LARP7: variants seen among roughly 807,000 people sequenced by gnomAD.
LARP7 encodes the protein La ribonucleoprotein 7, transcriptional regulator, also known as la-related protein 7.
In LARP7, 52 loss-of-function variants were observed where a neutral mutation model predicts 69.3. The ratio of observed to expected loss-of-function variants is 0.75; its 90% CI spans 0.60 to 0.95. LARP7 has a LOEUF of 0.95. Among genes scored for constraint, LARP7 ranks in the 40% least tolerant of loss-of-function variants. The probability of loss-of-function intolerance (pLI) is 0.00; values close to 1 mark genes in which losing one functional copy is unlikely to be tolerated. For synonymous variants in LARP7, 254 were observed against 215.9 expected, an observed-to-expected ratio of 1.18 and a Z score of -1.55; for missense variants, 733 against 673.0, an observed-to-expected ratio of 1.09 and a Z score of -0.99.
chr4:112,656,132 C>T (rs1435646676), intron 12 of LARP7, among the ~76,000 whole-genome samples: 4 of 152,132 alleles, frequency 2.6e-5, no homozygotes, highest in Admixed American at 6.5e-5. Flanking sequence ...GGGCCAGGCA[C>T]GGTGGCTCAT....
At chr4:112,641,978 A>G (rs1442416183) in intron 1 of LARP7, among the ~76,000 whole-genome samples, 1 of 152,206 alleles carries the variant, frequency 6.6e-6, no homozygotes, top group African/African-American at 2.4e-5. Flanking sequence ...ACTGAGTCCA[A>G]TTTAGGCATC....
intron 10 of LARP7, among the ~76,000 whole-genome samples, chr4:112,650,984 A>G (rs2048705104): frequency 6.6e-6 from 1 of 152,224 alleles, no homozygotes; most frequent in African/African-American, 2.4e-5. Flanking sequence ...TATATAATTT[A>G]CGCTACAAAT....
At chr4:112,652,304 C>A (rs975445832) in intron 10 of LARP7, among the ~76,000 whole-genome samples, 1 of 141,830 alleles carries the variant, frequency 7.1e-6, no homozygotes, top group Non-Finnish European at 1.5e-5. Context: ...CCCCCCCCCC[C>A]CCATTTAGCA....
Position 112,646,263 on chromosome 4 carries a change from C to A in LARP7, c.203-88C>A, listed in dbSNP as rs537735553. 10 of 641,990 alleles carry A rather than the reference C, an allele frequency of 1.6e-5. No homozygotes were observed. The East Asian group carries it at 1.9e-4, about 12-fold the overall frequency. The allele number at this position is 641,990 out of a possible 1,614,324, so 39.8% of individuals were successfully genotyped here. A position where few individuals can be genotyped will look rare whatever the true frequency, so the allele number is the denominator to read the frequency against. The stretch of plus-strand genomic sequence containing the variant: ...AGGATTACAGGCATGAGCCACCGAG[C>A]CTGAGGGCCTGAGGGGCAGGTTAAA... On this transcript the variant is annotated intron_variant, in intron 2 of 12. Transcript: ENST00000344442.
Position 112,649,593 on chromosome 4 carries a change from T to G in LARP7, c.1201T>G (p.Ser401Ala). The G allele has an allele frequency of 2.5e-6, 4 of 1,608,324 alleles. No homozygotes were observed. Among genetic ancestry groups the G allele is most frequent in the Non-Finnish European group, 3.4e-6 (4 of 1,177,004 alleles). Residue 401 changes from serine to alanine, a missense_variant, in exon 9 of 13, where the codon TCT (serine) becomes GCT (alanine). Ser to Ala is a moderately conservative substitution (Grantham distance 99). Transcript: ENST00000344442. ...YLALQKASMASLKKTISQIKS... is the reference protein window; with the variant it reads ...YLALQKASMAALKKTISQIKS... ...AGCGCTACAAAAAGCTAGCATGGCT[T>G]CTTTAAAAAAAACAATATCCCAAAT...
intron 1 of LARP7, among the ~76,000 whole-genome samples, chr4:112,639,370 C>T (rs1187893827): frequency 6.6e-6 from 1 of 151,804 alleles, no homozygotes; most frequent in Non-Finnish European, 1.5e-5. Context: ...CCACCATGCC[C>T]GGCTAATTTT....
chr4:112,637,915 A>G (rs1275796540), intron 1 of LARP7: 1 of 152,390 alleles, frequency 6.6e-6, no homozygotes, highest in African/African-American at 2.4e-5. Context: ...GACCAGAACA[A>G]TGATTCTTAA....
At chr4:112,654,363 G>T in intron 12 of LARP7, 1 of 453,210 alleles carries the variant, frequency 2.2e-6, no homozygotes. Flanking sequence ...TTTCTCACAA[G>T]GATACATAAT....
rs960119733 is a variant in LARP7 at position 112,649,411 on chromosome 4, G to A, written c.1143-124G>A. On this transcript the variant is annotated intron_variant, in intron 8 of 12. Coordinates refer to ENST00000344442, the MANE Select transcript of LARP7 (RefSeq NM_016648.4). The stretch of plus-strand genomic sequence containing the variant: ...AACCTAGGAAATATTTTGAATATGT[G>A]TTTAAAGAAACAGGAAAGTTGGTGG... 5.7e-5 allele frequency: 43 copies of A among 758,708 alleles called. No homozygotes were observed. The East Asian group carries it at 7.2e-4, about 13-fold the overall frequency. The allele number at this position is 758,708 out of a possible 1,614,324, so 47.0% of individuals were successfully genotyped here.
chr4:112,637,993 A>C (rs1269524232), intron 1 of LARP7: 1 of 152,270 alleles, frequency 6.6e-6, no homozygotes, highest in African/African-American at 2.4e-5. Flanking sequence ...ACGTGCATGT[A>C]CCTATTAAAA....
chr4:112,645,783 CTGAGATAAGAAGCAT>C (rs988476651), intron 2 of LARP7: 12 of 352,504 alleles, frequency 3.4e-5, no homozygotes, highest in Non-Finnish European at 6.7e-5. Context: ...CCCTGAATTG[CTGAGATAAGAAGCAT>C]TGAGCCACCA....
chr4:112,645,254 A>G (rs1256416530), intron 2 of LARP7, among the ~76,000 whole-genome samples: 2 of 151,860 alleles, frequency 1.3e-5, no homozygotes, highest in African/African-American at 4.8e-5. Flanking sequence ...CTAAAATAGT[A>G]TATTCTATAA....
chr4:112,642,332 G>A (rs945292555), intron 1 of LARP7, among the ~76,000 whole-genome samples: 16 of 152,128 alleles, frequency 1.1e-4, no homozygotes, highest in African/African-American at 3.9e-4. Context: ...TATGTCTTAA[G>A]CTAGCATCAC....
intron 8 of LARP7, 99 bp downstream of exon 8, chr4:112,647,933 C>T (rs369906379): frequency 4.0e-5 from 36 of 896,612 alleles, no homozygotes; most frequent in Middle Eastern, 2.2e-4. Context: ...ATATTAGCAA[C>T]AGTAATGGCC....
intron 1 of LARP7, chr4:112,637,477 T>G (rs2149240191): frequency 6.6e-6 from 1 of 152,416 alleles, no homozygotes; most frequent in Non-Finnish European, 1.5e-5. Flanking sequence ...TGGGGAGGTT[T>G]GGGGCGCGCC....
In LARP7 at chr4:112,647,258, G is replaced by T. The variant is rs1422825360; in HGVS notation, c.706G>T (p.Ala236Ser). ...AATGAAAAAGGAAGACAATATCCAA[G>T]CCAAAGAAGAAAACATGGACACAAG... is the stretch of plus-strand genomic sequence containing the variant. ...GRMKKEDNIQ[A>S]KEENMDTSNT... Residue 236 changes from alanine to serine, a missense_variant, in exon 7 of 13, where the codon GCC becomes TCC. Physicochemically the swap from Ala to Ser is moderately conservative, Grantham distance 99. Coordinates refer to ENST00000344442, the MANE Select transcript of LARP7 (RefSeq NM_016648.4). The T allele has an allele frequency of 1.2e-6, 2 of 1,611,512 alleles. No homozygotes were observed. The highest frequency in any genetic ancestry group is 1.7e-6 in the Non-Finnish European group (2 of 1,179,402).
chr4:112,648,290 G>C (rs1205937299), intron 8 of LARP7: 1 of 527,512 alleles, frequency 1.9e-6, no homozygotes, highest in East Asian at 5.5e-5. Flanking sequence ...CCTTTAACCT[G>C]TAACAAGCTT....
Position 112,647,071 on chromosome 4 carries a change from C to T in LARP7, c.590C>T (p.Pro197Leu). The T allele has an allele frequency of 6.2e-7, 1 of 1,611,896 alleles. No homozygotes were observed. The highest frequency in any genetic ancestry group is 8.5e-7 in the Non-Finnish European group (1 of 1,179,552). The part of the protein sequence containing the change: ...NNPPEEAPRK[P>L]GIFPKTVKNK... ...CCACCAGAAGAAGCACCAAGAAAAC[C>T]TGGCATATTTCCTAAAACAGTGAAA... Residue 197 changes from proline (P) to leucine (L), a missense_variant, in exon 6 of 13, where the codon CCT (proline) becomes CTT (leucine). Transcript: ENST00000344442.
intron 8 of LARP7, chr4:112,648,226 C>G (rs768129180): frequency 7.5e-6 from 4 of 532,546 alleles, no homozygotes; most frequent in South Asian, 4.2e-5. Context: ...AGTTTCAAAG[C>G]AAGTACATCC....
Sources: gnomAD v4.1 joint callset for allele counts (sites outside exome capture counted in the v4.1 genomes callset) on GRCh38, gnomAD v4.1.1 for gene constraint, MANE v1.5 for transcripts, NCBI Gene and HGNC (gene_info 2026-07-23, HGNC 2026-07-21) for gene names.